ABCC1: variants seen among roughly 807,000 people sequenced by gnomAD.
ABCC1 encodes multidrug resistance-associated protein 1.
A neutral mutation model predicts 172.9 loss-of-function variants in ABCC1; 83 were observed. The ratio of observed to expected loss-of-function variants is 0.48; its 90% CI spans 0.40 to 0.58. The LOEUF is 0.58. Among genes scored for constraint, ABCC1 ranks in the 20% least tolerant of loss-of-function variants. The pLI is 0.00. For missense variants in ABCC1, 1,817 were observed against 2,002.7 expected, an observed-to-expected ratio of 0.91 and a Z score of 1.77; for synonymous variants, 937 against 825.2, an observed-to-expected ratio of 1.14 and a Z score of -2.32.
chr16:16,135,074 T>C (rs1445956708), intron 28 of ABCC1, among the ~76,000 whole-genome samples: 1 of 152,214 alleles, frequency 6.6e-6, no homozygotes, highest in Non-Finnish European at 1.5e-5. Flanking sequence ...TTTCAGAGCA[T>C]CTAGAAAAAT....
At position 16,114,840 on chromosome 16, in the gene ABCC1, C is replaced by T. The variant is rs2044781187; in HGVS notation, c.3154C>T (p.Leu1052=). The T allele has an allele frequency of 6.2e-7, 1 of 1,613,778 alleles. No homozygotes were observed. Among genetic ancestry groups the T allele is most frequent in the Non-Finnish European group, 8.5e-7 (1 of 1,179,750 alleles). Residue 1052 remains leucine, a synonymous_variant, in exon 23 of 31, where the codon CTG becomes TTG. Transcript: ENST00000399410. ...GGCTTCCCGCTGTCTGCACGTGGAC[C>T]TGCTGCACAGCATCCTGCGGTCACC... ...ILASRCLHVD[L]LHSILRSPMS...
At chr16:16,110,494 A>G (rs1023719440) in intron 21 of ABCC1, among the ~76,000 whole-genome samples, 2 of 151,864 alleles carry the variant, frequency 1.3e-5, no homozygotes, top group Non-Finnish European at 2.9e-5. Context: ...GGTTCAAGCC[A>G]TTCTCTTGCC....
At chr16:16,071,824 C>A in intron 14 of ABCC1, 95 bp downstream of exon 14, 1 of 1,154,932 alleles carries the variant, frequency 8.7e-7, no homozygotes, top group Non-Finnish European at 1.3e-6. Flanking sequence ...TGGCTGCCCT[C>A]AGGTTTGACT....
chr16:16,043,789 A>G (rs552950463), intron 7 of ABCC1, among the ~76,000 whole-genome samples: 126 of 151,702 alleles, frequency 8.3e-4, no homozygotes, highest in African/African-American at 2.6e-3. Flanking sequence ...TTTAGTAGAG[A>G]TGGGGTTTCA....
At chr16:16,051,807 T>C (rs761588886) in intron 10 of ABCC1, among the ~76,000 whole-genome samples, 23 of 152,312 alleles carry the variant, frequency 1.5e-4, no homozygotes, top group Non-Finnish European at 3.2e-4. Context: ...CTCTACCCAA[T>C]TCTGTTAATG....
chr16:15,999,622 A>G (rs2047177499), intron 1 of ABCC1, among the ~76,000 whole-genome samples: 1 of 132,834 alleles, frequency 7.5e-6, no homozygotes, highest in East Asian at 2.0e-4. Context: ...TCTCAAAAGA[A>G]AAAAAAAATA....
chr16:15,982,815 A>AAAAAAAAAAAAAAAAAAAAAAAG (rs2046654595), intron 1 of ABCC1, among the ~76,000 whole-genome samples: 1 of 149,282 alleles, frequency 6.7e-6, no homozygotes. Context: ...AAAAAAAAAA[A>AAAAAAAAAAAAAAAAAAAAAAAG]AAAAAAAAAG....
intron 19 of ABCC1, among the ~76,000 whole-genome samples, chr16:16,096,064 C>T (rs915922985): frequency 9.9e-5 from 15 of 152,002 alleles, no homozygotes; most frequent in Admixed American, 9.2e-4. Context: ...GGCAGGAGTT[C>T]GAGACCAGCC....
chr16:16,053,546 G>C (rs898388245), intron 11 of ABCC1, among the ~76,000 whole-genome samples: 4 of 151,926 alleles, frequency 2.6e-5, no homozygotes, highest in African/African-American at 9.7e-5. Flanking sequence ...TCAGCATTTT[G>C]GGAGGCCAAG....
chr16:16,001,701 C>T (rs887585357), intron 1 of ABCC1, among the ~76,000 whole-genome samples: 2 of 152,208 alleles, frequency 1.3e-5, no homozygotes, highest in African/African-American at 4.8e-5. Flanking sequence ...GGAACTTAAA[C>T]TACACAGAGA....
At chr16:16,026,635 G>T (rs2048384540) in intron 5 of ABCC1, among the ~76,000 whole-genome samples, 1 of 151,784 alleles carries the variant, frequency 6.6e-6, no homozygotes, top group Non-Finnish European at 1.5e-5. Context: ...AATGGCAATT[G>T]CTGGGCGCGG....
chr16:16,132,699 A>G (rs555420682), intron 27 of ABCC1, among the ~76,000 whole-genome samples: 1 of 148,114 alleles, frequency 6.8e-6, no homozygotes, highest in African/African-American at 2.5e-5. Context: ...TTTTTGTGTT[A>G]TTAGTAGAGA....
chr16:15,972,147 A>G (rs553506064), intron 1 of ABCC1, among the ~76,000 whole-genome samples: 2 of 152,258 alleles, frequency 1.3e-5, no homozygotes, highest in African/African-American at 4.8e-5. Context: ...ACAGTTAAAC[A>G]TGCGCAGGAT....
chr16:16,048,036 G>A (rs1377615643), intron 9 of ABCC1, 106 bp from the exon 10 acceptor site: 6 of 1,387,620 alleles, frequency 4.3e-6, no homozygotes, highest in East Asian at 2.3e-5. Context: ...AGAGATCTGC[G>A]GCATTTCTGC....
At chr16:16,126,677 G>T (rs1044511648) in intron 26 of ABCC1, among the ~76,000 whole-genome samples, 5 of 152,158 alleles carry the variant, frequency 3.3e-5, no homozygotes, top group East Asian at 3.8e-4. Context: ...GAGCCACTGC[G>T]CCTGGCCTGT....
At chr16:16,087,980 C>A (rs1436777655) in intron 18 of ABCC1, among the ~76,000 whole-genome samples, 6 of 152,010 alleles carry the variant, frequency 3.9e-5, no homozygotes, top group African/African-American at 1.5e-4. Context: ...GTAATCGTTC[C>A]CATACATACC....
At chr16:16,028,659 T>A (rs1273457823) in intron 5 of ABCC1, among the ~76,000 whole-genome samples, 1 of 152,074 alleles carries the variant, frequency 6.6e-6, no homozygotes. Flanking sequence ...CACCACTACC[T>A]CCACGCCTTA....
At chr16:16,047,349 T>TGGCATGATCTTGGCTCACTGCAGC (rs1190013652) in intron 9 of ABCC1, among the ~76,000 whole-genome samples, 2 of 152,216 alleles carry the variant, frequency 1.3e-5, no homozygotes, top group Non-Finnish European at 2.9e-5. Flanking sequence ...TAGAGTGCAG[T>TGGCATGATCTTGGCTCACTGCAGC]GGCATGATCT....
intron 7 of ABCC1, among the ~76,000 whole-genome samples, chr16:16,042,193 T>A (rs2049002908): frequency 7.4e-6 from 1 of 135,590 alleles, no homozygotes; most frequent in South Asian, 2.2e-4. Context: ...TTTTTTTTTT[T>A]AAGTTAGACA....
Sources: gnomAD v4.1 joint callset for allele counts (sites outside exome capture counted in the v4.1 genomes callset) on GRCh38, gnomAD v4.1.1 for gene constraint, MANE v1.5 for transcripts, NCBI Gene and HGNC (gene_info 2026-07-23, HGNC 2026-07-21) for gene names.